XYLT1: variants seen among roughly 807,000 people sequenced by gnomAD.
XYLT1 encodes the protein beta-D-xylosyltransferase 1.
XYLT1 carries 36 observed loss-of-function variants against 91.3 expected under a neutral mutation model. That is an observed-to-expected ratio of 0.39 (90% CI 0.30 to 0.52). XYLT1 has a LOEUF of 0.52. Among genes scored for constraint, XYLT1 ranks in the 20% least tolerant of loss-of-function variants. XYLT1 has a pLI of 0.68. For missense variants in XYLT1, 1,242 were observed against 1,284.5 expected, an observed-to-expected ratio of 0.97 and a Z score of 0.51; for synonymous variants, 588 against 532.0, an observed-to-expected ratio of 1.11 and a Z score of -1.45.
chr16:17,364,262 G>A (rs1284699919), intron 1 of XYLT1, among the ~76,000 whole-genome samples: 1 of 152,130 alleles, frequency 6.6e-6, no homozygotes, highest in African/African-American at 2.4e-5. Flanking sequence ...CAGAGCTACT[G>A]TAACAAAGTG....
At chr16:17,111,074 C>T (rs935422784) in intron 11 of XYLT1, among the ~76,000 whole-genome samples, 2 of 152,038 alleles carry the variant, frequency 1.3e-5, no homozygotes, top group African/African-American at 2.4e-5. Context: ...GCAGGAGAAT[C>T]GTTTGAACCT....
intron 6 of XYLT1, among the ~76,000 whole-genome samples, chr16:17,150,458 C>T (rs556977878): frequency 6.6e-6 from 1 of 152,260 alleles, no homozygotes; most frequent in South Asian, 2.1e-4. Context: ...CTCTTCTAGG[C>T]AAGACAAAAA....
At chr16:17,343,715 C>T (rs1241308034) in intron 2 of XYLT1, among the ~76,000 whole-genome samples, 4 of 152,154 alleles carry the variant, frequency 2.6e-5, no homozygotes, top group Admixed American at 1.3e-4. Context: ...GCAATCCTTC[C>T]ACCTTGGCTT....
chr16:17,222,393 C>T (rs764521311), intron 3 of XYLT1, among the ~76,000 whole-genome samples: 1 of 152,100 alleles, frequency 6.6e-6, no homozygotes, highest in African/African-American at 2.4e-5. Flanking sequence ...TACGGGACGG[C>T]CCCCACAGAA....
Position 17,118,502 on chromosome 16 carries a change from C to T in XYLT1, c.2224-523G>A, listed in dbSNP as rs1192798100. Among the ~76,000 whole-genome samples the T allele has an allele frequency of 2.0e-5, 3 of 152,150 alleles. No individual in the cohort carries two copies. The East Asian group carries it at 5.8e-4, about 29-fold the overall frequency. ...GACCCTCAGCATTGCCTGTCATCTA[C>T]AGGGGTTCAAATAGGTTTCCTAGGA... On this transcript the variant is annotated intron_variant, in intron 10 of 11. Transcript: ENST00000261381.
In XYLT1 at chr16:17,106,826, G is replaced by C. The variant is rs1218552844; in HGVS notation, c.*1869C>G. 1 of 152,022 alleles carries C rather than the reference G, an allele frequency of 6.6e-6. No individual in the cohort carries two copies. Among genetic ancestry groups the C allele is most frequent in the African/African-American group, 2.4e-5 (1 of 41,368 alleles). The allele number at this position is 152,022 out of a possible 1,614,324, so 9.4% of individuals were successfully genotyped here. On this transcript the variant is annotated 3_prime_UTR_variant, in exon 12 of 12. Coordinates refer to ENST00000261381, the MANE Select transcript of XYLT1 (RefSeq NM_022166.4). ...ACACTCTGCATAAGGAAAAAAACAA[G>C]GCTCCAACGGTCCCCAAGGCACCCC...
intron 7 of XYLT1, among the ~76,000 whole-genome samples, chr16:17,138,989 C>T (rs922425538): frequency 3.3e-5 from 5 of 152,196 alleles, no homozygotes; most frequent in South Asian, 2.1e-4. Context: ...CTTCCTGCAT[C>T]GCCAGACGGC....
At chr16:17,148,720 GCTC>G (rs2031202725) in intron 6 of XYLT1, among the ~76,000 whole-genome samples, 1 of 152,188 alleles carries the variant, frequency 6.6e-6, no homozygotes, top group African/African-American at 2.4e-5. Context: ...TCCAATGCAA[GCTC>G]TTAACTACTC....
chr16:17,422,131 C>T (rs1302879878), intron 1 of XYLT1, among the ~76,000 whole-genome samples: 1 of 151,918 alleles, frequency 6.6e-6, no homozygotes, highest in Non-Finnish European at 1.5e-5. Flanking sequence ...TACAGATGCC[C>T]ACCACCACAC....
chr16:17,416,373 G>T (rs1258199150), intron 1 of XYLT1, among the ~76,000 whole-genome samples: 2 of 152,184 alleles, frequency 1.3e-5, no homozygotes, highest in African/African-American at 4.8e-5. Flanking sequence ...TCATTTGGGG[G>T]AATTATTTGG....
chr16:17,342,520 G>A (rs1051989320), intron 2 of XYLT1, among the ~76,000 whole-genome samples: 2 of 152,064 alleles, frequency 1.3e-5, no homozygotes, highest in South Asian at 2.1e-4. Context: ...TTGGGAGTTC[G>A]AGACCAGCCG....
Position 17,259,019 on chromosome 16 carries a change from A to G in XYLT1, c.882T>C (p.Pro294=), listed in dbSNP as rs777068237. The change falls in exon 3 of 12, where the codon CCT becomes CCC. Residue 294 remains proline (P), a synonymous_variant. Coordinates refer to ENST00000261381, the MANE Select transcript of XYLT1 (RefSeq NM_022166.4). ...YCRHKLGLLM[P]EKVTRFCPLE... is the part of the protein sequence containing the mutation. ...GGGGGCAGAACCGAGTCACCTTCTC[A>G]GGCATCAGCAGCCCTAACTTGTGGC... 1.3e-6 allele frequency: 2 copies of G among 1,508,932 alleles called. No individual in the cohort carries two copies. Among genetic ancestry groups the G allele is most frequent in the East Asian group, 4.6e-5 (2 of 43,724 alleles). The allele number at this position is 1,508,932 out of a possible 1,614,324, so 93.5% of individuals were successfully genotyped here.
intron 2 of XYLT1, among the ~76,000 whole-genome samples, chr16:17,264,951 G>T (rs1486409611): frequency 1.3e-5 from 2 of 152,178 alleles, no homozygotes; most frequent in East Asian, 3.9e-4. Context: ...CACTTTGGGA[G>T]GCTGAGGCGG....
At chr16:17,408,179 A>C (rs548913765) in intron 1 of XYLT1, among the ~76,000 whole-genome samples, 1 of 152,330 alleles carries the variant, frequency 6.6e-6, no homozygotes, top group South Asian at 2.1e-4. Context: ...CAGAGCCTCA[A>C]TCACCTGCCC....
intron 2 of XYLT1, among the ~76,000 whole-genome samples, chr16:17,323,456 C>T (rs953290797): frequency 6.6e-6 from 1 of 152,208 alleles, no homozygotes; most frequent in Non-Finnish European, 1.5e-5. Flanking sequence ...CTGGATCACG[C>T]TGATTAAACT....
intron 1 of XYLT1, among the ~76,000 whole-genome samples, chr16:17,378,402 C>T (rs552293958): frequency 6.6e-5 from 10 of 152,092 alleles, no homozygotes; most frequent in Non-Finnish European, 1.3e-4. Flanking sequence ...GAGGCCAGGA[C>T]CTTGCAGAGA....
chr16:17,364,603 G>A (rs1306850372), intron 1 of XYLT1, among the ~76,000 whole-genome samples: 3 of 152,112 alleles, frequency 2.0e-5, no homozygotes, highest in East Asian at 1.9e-4. Context: ...GTCACGTGAC[G>A]GCAGTGAACT....
chr16:17,292,512 C>T (rs8063171), intron 2 of XYLT1, among the ~76,000 whole-genome samples: 53,074 of 152,086 alleles, frequency 0.35, 9,730 homozygotes, highest in South Asian at 0.48. Context: ...GTGCAGGGCT[C>T]TTCACAATAG....
intron 2 of XYLT1, among the ~76,000 whole-genome samples, chr16:17,335,249 A>C (rs1271632292): frequency 6.6e-6 from 1 of 151,930 alleles, no homozygotes. Flanking sequence ...ACAAACAAAA[A>C]AAAAACTACC....
Sources: gnomAD v4.1 joint callset for allele counts (sites outside exome capture counted in the v4.1 genomes callset) on GRCh38, gnomAD v4.1.1 for gene constraint, MANE v1.5 for transcripts, NCBI Gene and HGNC (gene_info 2026-07-23, HGNC 2026-07-21) for gene names.